PRDM16: variants seen among roughly 807,000 people sequenced by gnomAD.
PRDM16 encodes histone-lysine N-methyltransferase PRDM16.
In PRDM16, 23 loss-of-function variants were observed where a neutral mutation model predicts 110.6. That is an observed-to-expected ratio of 0.21 (90% CI 0.15 to 0.29). The LOEUF (loss-of-function observed/expected upper bound fraction) is 0.29. Among genes scored for constraint, PRDM16 ranks in the 10% least tolerant of loss-of-function variants. The pLI is 1.00. For synonymous variants in PRDM16, 799 were observed against 781.8 expected, an observed-to-expected ratio of 1.02 and a Z score of -0.37; for missense variants, 1,615 against 1,794.3, an observed-to-expected ratio of 0.90 and a Z score of 1.81.
chr1:3,148,054 T>G lies in PRDM16; in HGVS notation c.38-38071T>G, dbSNP rs1643709328. Among the ~76,000 whole-genome samples, 1 of 152,012 alleles carries G rather than the reference T, an allele frequency of 6.6e-6. No homozygotes were observed. The highest frequency in any genetic ancestry group is 1.5e-5 in the Non-Finnish European group (1 of 68,012). The stretch of plus-strand genomic sequence containing the variant: ...TTGGGAATACCGAGATGCATTCAGA[T>G]TCAAGTTCGGCCTTTGGCGTCTTCT... On this transcript the variant is annotated intron_variant, in intron 1 of 16. Transcript: ENST00000270722. The surrounding 1 kb of genome is among the most constrained non-coding windows in gnomAD (Gnocchi z 5.0).
At position 3,385,093 on chromosome 1, in the gene PRDM16, G is replaced by A. The variant is rs181709168; in HGVS notation, c.439-59G>A. 600 of 1,601,594 alleles carry A rather than the reference G, an allele frequency of 3.7e-4. 6 individuals carry two copies. The East Asian group carries it at 8.6e-3, about 23-fold the overall frequency. ...CCAGGTTTCTGGGTGGGCAGAGGCT[G>A]TGTGCAGACTCCAGCACACAGGGCA... On this transcript the variant is annotated intron_variant, in intron 3 of 16. Transcript: ENST00000270722.
rs1287778225 is a variant in PRDM16, at chr1:3,157,502, T to C, written c.38-28623T>C. On this transcript the variant is annotated intron_variant, in intron 1 of 16. Coordinates refer to ENST00000270722, the MANE Select transcript of PRDM16 (RefSeq NM_022114.4). The surrounding 1 kb of genome is among the most constrained non-coding windows in gnomAD (Gnocchi z 4.8). Reference sequence around the variant, plus strand: ...GAAAACAGACATGGGCCAGATCCAGTTGTTTGGTAGGATAAGGTCTTTATG... The same window carrying C: ...GAAAACAGACATGGGCCAGATCCAGCTGTTTGGTAGGATAAGGTCTTTATG... Among the ~76,000 whole-genome samples the C allele has an allele frequency of 1.4e-5, 2 of 144,536 alleles. No individual in the cohort carries two copies. Among genetic ancestry groups the C allele is most frequent in the African/African-American group, 2.6e-5 (1 of 38,326 alleles). The allele number at this position is 144,536 out of a possible 152,430, so 94.8% of individuals were successfully genotyped here.
At position 3,243,545 on chromosome 1, in the gene PRDM16, T is replaced by G. The variant is rs1209311942; in HGVS notation, c.388-542T>G. On this transcript the variant is annotated intron_variant, in intron 2 of 16. Coordinates refer to ENST00000270722, the MANE Select transcript of PRDM16 (RefSeq NM_022114.4). The surrounding 1 kb of genome is among the most constrained non-coding windows in gnomAD (Gnocchi z 5.5). ...AGTCCAGCTCCCCCCGACCTCTGCC[T>G]CCTGAGCTGGACTGTAAGCCCCCGG... is the stretch of plus-strand genomic sequence containing the variant. Among the ~76,000 whole-genome samples the G allele has an allele frequency of 6.6e-6, 1 of 152,204 alleles. No homozygotes were observed. The highest frequency in any genetic ancestry group is 1.5e-5 in the Non-Finnish European group (1 of 68,028).
intron 3 of PRDM16, among the ~76,000 whole-genome samples, chr1:3,336,322 A>C (rs951382076): frequency 1.1e-4 from 17 of 151,686 alleles, no homozygotes; most frequent in East Asian, 1.9e-4. Flanking sequence ...GTTTGTGTAC[A>C]TGCACATGTG....
intron 2 of PRDM16, among the ~76,000 whole-genome samples, chr1:3,203,933 A>G (rs1464569393): frequency 6.6e-6 from 1 of 152,176 alleles, no homozygotes; most frequent in Non-Finnish European, 1.5e-5. Context: ...GCGGTGCCCC[A>G]GTGCACACCT....
At chr1:3,321,231 C>T (rs961857977) in intron 3 of PRDM16, among the ~76,000 whole-genome samples, 4 of 131,416 alleles carry the variant, frequency 3.0e-5, no homozygotes, top group Non-Finnish European at 5.9e-5. Context: ...AGCATGTGTG[C>T]ACACACGCGT....
chr1:3,296,904 T>C (rs58996169), intron 3 of PRDM16, among the ~76,000 whole-genome samples: 8,480 of 152,202 alleles, frequency 0.056, 781 homozygotes, highest in African/African-American at 0.19. Context: ...CAGCACGGCT[T>C]AGCCTCACCC....
At chr1:3,285,495 C>G (rs1640824360) in intron 3 of PRDM16, among the ~76,000 whole-genome samples, 1 of 152,176 alleles carries the variant, frequency 6.6e-6, no homozygotes, top group South Asian at 2.1e-4. Flanking sequence ...ACGGACATGT[C>G]CCCTGCCTTC....
intron 1 of PRDM16, among the ~76,000 whole-genome samples, chr1:3,119,762 C>T (rs182609297): frequency 2.0e-5 from 3 of 152,158 alleles, no homozygotes; most frequent in African/African-American, 7.2e-5. Context: ...TTCACGTAAG[C>T]GGTGGAGTTA....
Position 3,425,847 on chromosome 1 carries a change from G to A in PRDM16, c.3109+97G>A, listed in dbSNP as rs1236738703. 3 of 1,477,168 alleles carry A rather than the reference G, an allele frequency of 2.0e-6. No homozygotes were observed. Among genetic ancestry groups the A allele is most frequent in the East Asian group, 2.3e-5 (1 of 43,764 alleles). 91.5% of individuals were successfully genotyped at this position (1,477,168 alleles called of 1,614,324 possible). A position where few individuals can be genotyped will look rare whatever the true frequency, so the allele number is the denominator to read the frequency against. On this transcript the variant is annotated intron_variant, in intron 13 of 16. Transcript: ENST00000270722. This position sits in a 1 kb window ranked among gnomAD's most constrained non-coding sequence, Gnocchi z 6.9. ...AGCAGGGGAGTGGGCGCCGGGCAGG[G>A]AAGAGGGCCACAGACTACCCCTCAG... is the stretch of plus-strand genomic sequence containing the variant.
chr1:3,357,243 T>C (rs559625089), intron 3 of PRDM16, among the ~76,000 whole-genome samples: 247 of 152,208 alleles, frequency 1.6e-3, no homozygotes, highest in African/African-American at 5.7e-3. Context: ...ACCTGGGCCA[T>C]GAACGGGGAC....
At chr1:3,368,212 C>G (rs762525454) in intron 3 of PRDM16, among the ~76,000 whole-genome samples, 4 of 152,234 alleles carry the variant, frequency 2.6e-5, no homozygotes, top group Non-Finnish European at 5.9e-5. Context: ...AGGCACCTGA[C>G]ATTCATTAGG....
chr1:3,087,424 A>G (rs1461816484), intron 1 of PRDM16, among the ~76,000 whole-genome samples: 3 of 152,074 alleles, frequency 2.0e-5, no homozygotes, highest in Admixed American at 6.5e-5. Flanking sequence ...TGGACGTCCC[A>G]CTCTGGATCG....
chr1:3,082,625 A>G lies in PRDM16; in HGVS notation c.37+13329A>G, dbSNP rs568464917. Among the ~76,000 whole-genome samples, 6 of 152,308 alleles carry G rather than the reference A, an allele frequency of 3.9e-5. No homozygotes were observed. The East Asian group carries it at 1.2e-3, about 29-fold the overall frequency. On this transcript the variant is annotated intron_variant, in intron 1 of 16. Coordinates refer to ENST00000270722, the MANE Select transcript of PRDM16 (RefSeq NM_022114.4). The stretch of plus-strand genomic sequence containing the variant: ...GCATCCATGCCTCGGCTGGGTCAGG[A>G]CAGAGCCGGGGTTGGGGGCCAATGC...
chr1:3,297,972 G>A (rs1401190670), intron 3 of PRDM16, among the ~76,000 whole-genome samples: 1 of 152,130 alleles, frequency 6.6e-6, no homozygotes, highest in Non-Finnish European at 1.5e-5. Flanking sequence ...CTCTGCAGGG[G>A]CCAGACTGCA....
chr1:3,181,449 CGGTCTT>C lies in PRDM16; in HGVS notation c.38-4675_38-4670del, dbSNP rs1557509160. ...GCGGTCTTACACAAGCAGTCTTACA[CGGTCTT>C]ACACACGGTCTTACACACGCAGTCT... On this transcript the variant is annotated intron_variant, in intron 1 of 16. Coordinates refer to ENST00000270722, the MANE Select transcript of PRDM16 (RefSeq NM_022114.4). 1.6e-3 allele frequency among the ~76,000 whole-genome samples: 58 copies of C among 36,710 alleles called. 9 individuals carry two copies. Among genetic ancestry groups the C allele is most frequent in the Non-Finnish European group, 4.1e-3 (46 of 11,314 alleles). 24.1% of individuals were successfully genotyped at this position (36,710 alleles called of 152,430 possible). A position where few individuals can be genotyped will look rare whatever the true frequency, so the allele number is the denominator to read the frequency against.
intron 3 of PRDM16, among the ~76,000 whole-genome samples, chr1:3,374,930 G>A (rs1642966864): frequency 6.6e-6 from 1 of 152,228 alleles, no homozygotes; most frequent in Admixed American, 6.5e-5. Context: ...GGCCGCCACA[G>A]GCACACAGCA....
At chr1:3,262,161 C>T (rs758540908) in intron 3 of PRDM16, among the ~76,000 whole-genome samples, 2 of 152,232 alleles carry the variant, frequency 1.3e-5, no homozygotes, top group African/African-American at 2.4e-5. Flanking sequence ...CCGAAGATCA[C>T]ACAGCAGTGA....
intron 1 of PRDM16, among the ~76,000 whole-genome samples, chr1:3,074,269 G>A (rs1194858087): frequency 6.6e-6 from 1 of 152,170 alleles, no homozygotes; most frequent in African/African-American, 2.4e-5. Context: ...GACGCAGAGA[G>A]GTGGAGGAAC....
Sources: gnomAD v4.1 joint callset for allele counts (sites outside exome capture counted in the v4.1 genomes callset) on GRCh38, gnomAD v4.1.1 for gene constraint, Gnocchi (gnomAD v3.1) non-coding constraint, MANE v1.5 for transcripts, NCBI Gene and HGNC (gene_info 2026-07-23, HGNC 2026-07-21) for gene names.